Variants in GPHN observed in about 807,000 individuals in gnomAD.
The protein encoded by GPHN is gephyrin.
Under a neutral mutation model 95.5 loss-of-function variants are expected in GPHN, and 17 were observed. The observed-to-expected ratio is 0.18, with a 90% confidence interval of 0.12 to 0.27. The LOEUF is 0.27. Ranked by LOEUF, GPHN falls within the 10% of genes least tolerant of loss-of-function variation. The pLI, the probability that GPHN is intolerant of heterozygous loss-of-function variation, is 1.00. For missense variants in GPHN, 660 were observed against 978.1 expected (o/e 0.67, Z 4.34); for synonymous variants, 320 against 322.5 (o/e 0.99, Z 0.08).
intron 21 of GPHN, among the ~76,000 whole-genome samples, chr14:67,176,552 C>A (rs1192844591): frequency 6.6e-6 from 1 of 152,068 alleles, no homozygotes; most frequent in Non-Finnish European, 1.5e-5. Context: ...TTTGTTGTGT[C>A]TCTGCCAGGC....
chr14:67,734,568 C>G, the GPHN span: 1 of 156,084 alleles, frequency 6.4e-6, no homozygotes, highest in Admixed American at 6.2e-5. Flanking sequence ...TTGGGAATAG[C>G]AAGGGAGCAG....
At chr14:66,854,235 C>T (rs1212029680) in intron 4 of GPHN, among the ~76,000 whole-genome samples, 1 of 152,192 alleles carries the variant, frequency 6.6e-6, no homozygotes, top group Non-Finnish European at 1.5e-5. Flanking sequence ...TTAGTGTAAT[C>T]TTCAGTCTCA....
intron 5 of GPHN, among the ~76,000 whole-genome samples, chr14:66,907,536 A>C (rs1284343823): frequency 2.6e-5 from 4 of 152,190 alleles, no homozygotes; most frequent in Non-Finnish European, 5.9e-5. Context: ...AAACTCATAG[A>C]ACTTTATCAC....
chr14:67,689,649 AAAGTT>A, the GPHN span, among the ~76,000 whole-genome samples: 1 of 152,206 alleles, frequency 6.6e-6, no homozygotes, highest in Non-Finnish European at 1.5e-5. Context: ...GGAAGTCCTA[AAAGTT>A]AAGTAATGGC....
chr14:67,029,191 T>C (rs2074065638), intron 10 of GPHN, among the ~76,000 whole-genome samples: 1 of 152,180 alleles, frequency 6.6e-6, no homozygotes, highest in Admixed American at 6.5e-5. Flanking sequence ...GTTTCATTGA[T>C]CTATATGTCT....
intron 13 of GPHN, among the ~76,000 whole-genome samples, chr14:67,109,027 C>G (rs939186131): frequency 6.6e-6 from 1 of 152,164 alleles, no homozygotes; most frequent in African/African-American, 2.4e-5. Context: ...CCACTACACA[C>G]CTAGCCTACA....
intron 13 of GPHN, among the ~76,000 whole-genome samples, chr14:67,109,140 T>G (rs1184285180): frequency 6.6e-6 from 1 of 152,160 alleles, no homozygotes; most frequent in East Asian, 1.9e-4. Context: ...AAACAAAAAG[T>G]ACAGTAGAAA....
chr14:66,843,303 A>G lies in GPHN; in HGVS notation c.294+18737A>G, dbSNP rs555264089. 5.3e-5 allele frequency among the ~76,000 whole-genome samples: 8 copies of G among 152,184 alleles called. No homozygotes were observed. The South Asian group carries it at 1.5e-3, about 28-fold the overall frequency. The stretch of plus-strand genomic sequence containing the variant: ...CTATCTGCTCCCCTACAATTCCCCT[A>G]TACTATGGCCTAACAAGTGCTATGC... On this transcript the variant is annotated intron_variant, in intron 4 of 22. Transcript: ENST00000478722.
chr14:66,836,487 A>G (rs1182502848), intron 4 of GPHN, among the ~76,000 whole-genome samples: 88 of 143,342 alleles, frequency 6.1e-4, no homozygotes, highest in African/African-American at 2.3e-3. Flanking sequence ...AACCATAAAA[A>G]CCCTAGAAGA....
At chr14:67,270,985 GT>G in the GPHN span, 1 of 152,200 alleles carries the variant, frequency 6.6e-6, no homozygotes, top group Non-Finnish European at 1.5e-5. Flanking sequence ...AATGAGGAAG[GT>G]AAATTAGAAG....
the GPHN span, among the ~76,000 whole-genome samples, chr14:67,538,428 CAT>C: frequency 9.2e-5 from 14 of 152,216 alleles, no homozygotes; most frequent in Admixed American, 9.2e-4. Context: ...AGAAATAACA[CAT>C]GCGTCGCAAT....
chr14:67,073,889 G>A (rs1360410143), intron 11 of GPHN, among the ~76,000 whole-genome samples: 1 of 152,172 alleles, frequency 6.6e-6, no homozygotes, highest in African/African-American at 2.4e-5. Flanking sequence ...AACTTCTGGA[G>A]TAACTAGATT....
At chr14:66,813,971 C>T (rs117260220) in intron 3 of GPHN, among the ~76,000 whole-genome samples, 2,926 of 152,248 alleles carry the variant, frequency 0.019, 38 homozygotes, top group Middle Eastern at 0.034. Context: ...CCAGCCTGCA[C>T]GCTCCCTCCC....
chr14:67,218,796 T>C, the GPHN span, among the ~76,000 whole-genome samples: 6 of 151,818 alleles, frequency 4.0e-5, no homozygotes, highest in South Asian at 1.2e-3. Flanking sequence ...CATTTGAGGG[T>C]GTGTATGCAG....
chr14:67,517,301 G>T, the GPHN span, among the ~76,000 whole-genome samples: 1 of 152,212 alleles, frequency 6.6e-6, no homozygotes, highest in Non-Finnish European at 1.5e-5. Flanking sequence ...GCTCTGGGAG[G>T]CAGCATTGCG....
the GPHN span, chr14:67,575,984 C>T: frequency 4.3e-6 from 7 of 1,612,686 alleles, no homozygotes; most frequent in South Asian, 5.5e-5. Flanking sequence ...CCTACCTCCT[C>T]ATTGGCACCA....
chr14:67,132,942 C>A (rs561089777), intron 17 of GPHN, among the ~76,000 whole-genome samples: 1 of 151,732 alleles, frequency 6.6e-6, no homozygotes, highest in Non-Finnish European at 1.5e-5. Context: ...TTATTTCACT[C>A]ATTTTTCTAA....
intron 1 of GPHN, among the ~76,000 whole-genome samples, chr14:66,611,378 A>C (rs1421888538): frequency 6.6e-6 from 1 of 152,136 alleles, no homozygotes; most frequent in Non-Finnish European, 1.5e-5. Context: ...CTTAACACTG[A>C]TATACGTCCA....
At chr14:67,156,069 C>T (rs1266735963) in intron 18 of GPHN, among the ~76,000 whole-genome samples, 1 of 151,940 alleles carries the variant, frequency 6.6e-6, no homozygotes, top group Non-Finnish European at 1.5e-5. Context: ...AAAAACTGTG[C>T]GGACCTAGAC....
Sources: gnomAD v4.1 joint callset for allele counts (sites outside exome capture counted in the v4.1 genomes callset) on GRCh38, gnomAD v4.1.1 for gene constraint, MANE v1.5 for transcripts, NCBI Gene and HGNC (gene_info 2026-07-23, HGNC 2026-07-21) for gene names.